The following CYP39A1 variants were observed in gnomAD, a reference collection of about 807,000 sequenced individuals.
CYP39A1 encodes cytochrome P450 family 39 subfamily A member 1, also known as 24-hydroxycholesterol 7-alpha-hydroxylase.
A neutral mutation model predicts 58.1 loss-of-function variants in CYP39A1; 49 were observed. The ratio of observed to expected loss-of-function variants is 0.84; its 90% CI spans 0.67 to 1.07. The LOEUF is 1.07. CYP39A1 is among the 50% of genes least tolerant of loss of function. CYP39A1 has a pLI of 0.00. For missense variants in CYP39A1, 531 were observed against 539.4 expected (o/e 0.98, Z 0.16); for synonymous variants, 209 against 187.6 (o/e 1.11, Z -0.93).
intron 10 of CYP39A1, among the ~76,000 whole-genome samples, chr6:46,574,370 C>T (rs1285519240): frequency 1.3e-5 from 2 of 152,160 alleles, no homozygotes; most frequent in African/African-American, 4.8e-5. Flanking sequence ...TGCTGATTGT[C>T]TTAGGGAAGT....
chr6:46,587,203 T>C (rs762101668), intron 9 of CYP39A1, 38 bp from the exon 10 acceptor site: 3 of 1,313,388 alleles, frequency 2.3e-6, no homozygotes, highest in Non-Finnish European at 3.3e-6. Context: ...AAATCAGCCT[T>C]ATATAAATAA....
chr6:46,620,966 G>A (rs561635103), intron 7 of CYP39A1, among the ~76,000 whole-genome samples: 1 of 152,236 alleles, frequency 6.6e-6, no homozygotes, highest in East Asian at 1.9e-4. Flanking sequence ...GGAAAGGGAA[G>A]AATCTAATTT....
chr6:46,587,300 A>G, intron 9 of CYP39A1, 135 bp from the exon 10 acceptor site: 1 of 680,076 alleles, frequency 1.5e-6, no homozygotes, highest in Non-Finnish European at 2.6e-6. Context: ...AATTTTTTCC[A>G]CCCTGTTATT....
intron 6 of CYP39A1, 93 bp from the exon 7 acceptor site, chr6:46,625,601 GGAT>G: frequency 1.1e-6 from 1 of 869,748 alleles, no homozygotes; most frequent in South Asian, 2.2e-5. Context: ...TTTTTAAAAA[GGAT>G]GATGTTTAAA....
chr6:46,553,869 T>G lies in CYP39A1; in HGVS notation c.1251-15A>C. 1 of 1,497,246 alleles carries G rather than the reference T, an allele frequency of 6.7e-7. No homozygotes were observed. The allele number at this position is 1,497,246 out of a possible 1,614,324, so 92.7% of individuals were successfully genotyped here. ...GAGCAAACCACCTGGAAGAAACGAA[T>G]AAAATTGTTACTTGATTGTGAAAGA... is the stretch of plus-strand genomic sequence containing the variant. On this transcript the variant is annotated splice_polypyrimidine_tract_variant and intron_variant, in intron 10 of 11. Coordinates refer to ENST00000275016, the MANE Select transcript of CYP39A1 (RefSeq NM_016593.5).
intron 10 of CYP39A1, among the ~76,000 whole-genome samples, chr6:46,569,832 T>C (rs768502137): frequency 1.3e-5 from 2 of 152,102 alleles, no homozygotes; most frequent in Non-Finnish European, 2.9e-5. Flanking sequence ...CCTGTAGTTT[T>C]CTTTTCTTGT....
chr6:46,551,835 A>AT (rs1426462690), intron 11 of CYP39A1, among the ~76,000 whole-genome samples: 2 of 152,088 alleles, frequency 1.3e-5, no homozygotes, highest in Non-Finnish European at 2.9e-5. Flanking sequence ...TGGTCACCTG[A>AT]TTTTATAATT....
rs755971059 is a variant in CYP39A1 at position 46,550,325 on chromosome 6, C to A, written c.*41G>T. 4 of 1,574,186 alleles carry A rather than the reference C, an allele frequency of 2.5e-6. No homozygotes were observed. The highest frequency in any genetic ancestry group is 3.5e-6 in the Non-Finnish European group (4 of 1,150,166). ...GGTGCTGCCAGGTGGGGTAGTGCCACTCCTCCAGAAGGCCCTGGTCCTTGT... is the reference window on the plus strand; with the variant it reads ...GGTGCTGCCAGGTGGGGTAGTGCCAATCCTCCAGAAGGCCCTGGTCCTTGT... On this transcript the variant is annotated 3_prime_UTR_variant, in exon 12 of 12. Transcript: ENST00000275016.
chr6:46,616,225 TCCCTCCCTCCCTCCCTC>T (rs1561994409), intron 7 of CYP39A1, among the ~76,000 whole-genome samples: 3 of 31,550 alleles, frequency 9.5e-5, no homozygotes, highest in East Asian at 1.0e-3. Flanking sequence ...CCTCCCTCCC[TCCCTCCCTCCCTCCCTC>T]CCTTCCTTCC....
intron 7 of CYP39A1, among the ~76,000 whole-genome samples, chr6:46,596,795 A>G (rs1046248665): frequency 2.0e-5 from 3 of 152,150 alleles, no homozygotes; most frequent in African/African-American, 7.2e-5. Flanking sequence ...ATCTAAAGTA[A>G]TGGCAGGAAC....
At chr6:46,631,897 A>G (rs930208900) in intron 5 of CYP39A1, among the ~76,000 whole-genome samples, 1 of 152,180 alleles carries the variant, frequency 6.6e-6, no homozygotes, top group Admixed American at 6.5e-5. Flanking sequence ...GCTCTCCATC[A>G]TGGGAAAAAA....
At chr6:46,566,364 G>T (rs1048797114) in intron 10 of CYP39A1, among the ~76,000 whole-genome samples, 3 of 152,166 alleles carry the variant, frequency 2.0e-5, no homozygotes, top group African/African-American at 7.2e-5. Context: ...GTTCAGCATG[G>T]CTAGGGAAGC....
intron 1 of CYP39A1, among the ~76,000 whole-genome samples, chr6:46,651,902 G>A (rs2150621137): frequency 6.6e-6 from 1 of 152,260 alleles, no homozygotes; most frequent in East Asian, 1.9e-4. Flanking sequence ...AGGATTACTA[G>A]TCTCTTCAGG....
chr6:46,584,976 T>A (rs747616069), intron 10 of CYP39A1, among the ~76,000 whole-genome samples: 1 of 152,142 alleles, frequency 6.6e-6, no homozygotes, highest in Non-Finnish European at 1.5e-5. Context: ...GTCTTACTCA[T>A]GCTCAAAGCC....
chr6:46,642,344 C>T (rs768534954), intron 1 of CYP39A1, 46 bp from the exon 2 acceptor site: 1 of 1,562,660 alleles, frequency 6.4e-7, no homozygotes, highest in South Asian at 1.2e-5. Context: ...ATTCCTAAGC[C>T]ATGTTTAAGA....
In CYP39A1 at chr6:46,550,047, A is replaced by G. The variant is rs942500368; in HGVS notation, c.*319T>C. On this transcript the variant is annotated 3_prime_UTR_variant, in exon 12 of 12. Coordinates refer to ENST00000275016, the MANE Select transcript of CYP39A1 (RefSeq NM_016593.5). ...ATGTGATAAGATTTTCATTCAAATG[A>G]CATTATTTCTATTTAATGTTTTAAT... 4 of 209,800 alleles carry G rather than the reference A, an allele frequency of 1.9e-5. No individual in the cohort carries two copies. The highest frequency in any genetic ancestry group is 9.2e-5 in the African/African-American group (4 of 43,652). The allele number at this position is 209,800 out of a possible 1,614,324, so 13.0% of individuals were successfully genotyped here.
intron 7 of CYP39A1, among the ~76,000 whole-genome samples, chr6:46,607,464 T>TAC (rs3839568): frequency 0.15 from 21,962 of 145,480 alleles, 1,569 homozygotes; most frequent in Middle Eastern, 0.21. Context: ...CCCTTCCCCC[T>TAC]ACACACACAC....
At chr6:46,582,662 T>G (rs1405444483) in intron 10 of CYP39A1, among the ~76,000 whole-genome samples, 3 of 152,104 alleles carry the variant, frequency 2.0e-5, no homozygotes, top group African/African-American at 7.2e-5. Flanking sequence ...GCATTTGTCA[T>G]GTGCCATCTT....
intron 10 of CYP39A1, among the ~76,000 whole-genome samples, chr6:46,575,382 C>A (rs1239152035): frequency 6.6e-6 from 1 of 152,168 alleles, no homozygotes; most frequent in Non-Finnish European, 1.5e-5. Flanking sequence ...CTGATTTGAG[C>A]ACACCCCAGT....
Sources: gnomAD v4.1 joint callset for allele counts (sites outside exome capture counted in the v4.1 genomes callset) on GRCh38, gnomAD v4.1.1 for gene constraint, MANE v1.5 for transcripts, NCBI Gene and HGNC (gene_info 2026-07-23, HGNC 2026-07-21) for gene names.